USP47: variants seen among roughly 807,000 people sequenced by gnomAD.
USP47 encodes the protein ubiquitin specific peptidase 47.
USP47 carries 35 observed loss-of-function variants against 165.1 expected under a neutral mutation model. That is an observed-to-expected ratio of 0.21 (90% CI 0.16 to 0.28). The LOEUF (loss-of-function observed/expected upper bound fraction) is 0.28, where lower values mean the gene tolerates loss of function less well. Among genes scored for constraint, USP47 ranks in the 10% least tolerant of loss-of-function variants. The pLI, the probability that USP47 is intolerant of heterozygous loss-of-function variation, is 1.00. For synonymous variants in USP47, 531 were observed against 544.5 expected (o/e 0.98, Z 0.35); for missense variants, 1,277 against 1,607.4 (o/e 0.79, Z 3.52).
intron 8 of USP47, 80 bp from the exon 9 acceptor site, chr11:11,920,076 A>T: frequency 9.4e-7 from 1 of 1,059,252 alleles, no homozygotes; most frequent in Non-Finnish European, 1.3e-6. Flanking sequence ...AACTTTTAGT[A>T]ATTACAGTCT....
At chr11:11,848,318 G>A (rs1848537668) in intron 1 of USP47, among the ~76,000 whole-genome samples, 2 of 152,318 alleles carry the variant, frequency 1.3e-5, no homozygotes, top group South Asian at 4.1e-4. Flanking sequence ...GGCATTGCCT[G>A]TTGCTCCTAG....
intron 10 of USP47, 152 bp from the exon 11 acceptor site, chr11:11,922,572 A>G (rs1853910982): frequency 1.1e-5 from 6 of 569,026 alleles, no homozygotes; most frequent in Non-Finnish European, 1.6e-5. Context: ...TAAGGTCTCA[A>G]TTTTTAAGAG....
intron 3 of USP47, among the ~76,000 whole-genome samples, chr11:11,888,888 T>G (rs1478780575): frequency 4.6e-5 from 7 of 152,214 alleles, no homozygotes; most frequent in Non-Finnish European, 7.3e-5. Context: ...GATGCAAGGT[T>G]TGTTCAACAT....
chr11:11,871,489 G>A lies in USP47; in HGVS notation c.40-8688G>A, dbSNP rs375150365. Among the ~76,000 whole-genome samples, 9 of 98,582 alleles carry A rather than the reference G, an allele frequency of 9.1e-5. No homozygotes were observed. The South Asian group carries it at 2.3e-3, about 25-fold the overall frequency. 64.7% of individuals were successfully genotyped at this position (98,582 alleles called of 152,430 possible). A position where few individuals can be genotyped will look rare whatever the true frequency, so the allele number is the denominator to read the frequency against. ...CTGCACTCCAGCCTGGCAACAGAGC[G>A]AAACTCCCTCTCAAAAAAAAAAAAA... On this transcript the variant is annotated intron_variant, in intron 1 of 27. Transcript: ENST00000527733.
At chr11:11,877,102 T>C (rs1346906300) in intron 1 of USP47, among the ~76,000 whole-genome samples, 2 of 152,100 alleles carry the variant, frequency 1.3e-5, no homozygotes, top group African/African-American at 4.8e-5. Flanking sequence ...GTTTCCTGCA[T>C]GTTTAATTTA....
chr11:11,905,207 T>C (rs1852480747), intron 7 of USP47, among the ~76,000 whole-genome samples, 192 bp from the exon 8 acceptor site: 1 of 150,738 alleles, frequency 6.6e-6, no homozygotes, highest in Admixed American at 6.6e-5. Flanking sequence ...TGATTTTTTC[T>C]ATAAAATTTT....
At chr11:11,902,997 C>G in intron 6 of USP47, 137 bp downstream of exon 6, 1 of 970,402 alleles carries the variant, frequency 1.0e-6, no homozygotes, top group Non-Finnish European at 1.5e-6. Flanking sequence ...TATTTTCTAA[C>G]ACATTTCATA....
At chr11:11,951,058 G>A (rs1227696820) in intron 24 of USP47, 1 of 152,272 alleles carries the variant, frequency 6.6e-6, no homozygotes, top group Non-Finnish European at 1.5e-5. Flanking sequence ...CTGTCAACAG[G>A]GTTGGTTCCT....
intron 1 of USP47, among the ~76,000 whole-genome samples, chr11:11,876,061 A>G (rs1438638948): frequency 6.6e-6 from 1 of 152,230 alleles, no homozygotes; most frequent in Non-Finnish European, 1.5e-5. Context: ...TAATATTGCT[A>G]TGAGTTGCCT....
intron 8 of USP47, among the ~76,000 whole-genome samples, chr11:11,917,157 A>G (rs1853482563): frequency 6.6e-6 from 1 of 152,176 alleles, no homozygotes; most frequent in Admixed American, 6.5e-5. Flanking sequence ...CTGAAAAAAA[A>G]GATGAATTGG....
Position 11,880,233 on chromosome 11 carries a change from T to A in USP47, c.96T>A (p.Asn32Lys). ...TATGTATTATACAAGATACTACTAA[T>A]TCAAAGACAGTGAATGAACGGATCA... ...RVLCIIQDTT[N>K]SKTVNERITL... The change falls in exon 2 of 28, where the codon AAT becomes AAA. Residue 32 changes from asparagine (N) to lysine (K), a missense_variant. Coordinates refer to ENST00000527733, the MANE Select transcript of USP47 (RefSeq NM_001282659.2). 6.8e-7 allele frequency: 1 copy of A among 1,466,602 alleles called. No individual in the cohort carries two copies. Among genetic ancestry groups the A allele is most frequent in the Non-Finnish European group, 8.9e-7 (1 of 1,120,840 alleles). The allele number at this position is 1,466,602 out of a possible 1,614,324, so 90.8% of individuals were successfully genotyped here. A position where few individuals can be genotyped will look rare whatever the true frequency, so the allele number is the denominator to read the frequency against.
intron 1 of USP47, among the ~76,000 whole-genome samples, chr11:11,850,938 A>G (rs1848691734): frequency 6.6e-6 from 1 of 152,208 alleles, no homozygotes. Context: ...CCTCTTTTAC[A>G]AGGGCACTAA....
In USP47 at chr11:11,842,151, C is replaced by A. The variant is rs1222367563; in HGVS notation, c.-35C>A. On this transcript the variant is annotated 5_prime_UTR_variant, in exon 1 of 28. Transcript: ENST00000527733. ...GAGCCGCCGCCACCCTCCACCCTCC[C>A]CCGGCAGGGCGGAGAGGAGCGGCCG... The A allele has an allele frequency of 1.3e-6, 2 of 1,550,840 alleles. No individual in the cohort carries two copies. The highest frequency in any genetic ancestry group is 1.7e-6 in the Non-Finnish European group (2 of 1,146,492).
chr11:11,930,092 A>C lies in USP47; in HGVS notation c.1567A>C (p.Arg523=). The change falls in exon 13 of 28, where the codon AGA becomes CGA. Residue 523 remains arginine (R), a synonymous_variant. Transcript: ENST00000527733. ...AACACATGGTGGATCTTCAGGAAGC[A>C]GAGGATATTATTCTAGTGCTTTCGC... ...KKTHGGSSGS[R]GYYSSAFASS... is the part of the protein sequence containing the mutation. The C allele has an allele frequency of 6.2e-7, 1 of 1,613,352 alleles. No individual in the cohort carries two copies. Among genetic ancestry groups the C allele is most frequent in the Non-Finnish European group, 8.5e-7 (1 of 1,179,392 alleles).
chr11:11,872,199 C>T (rs2134251743), intron 1 of USP47, among the ~76,000 whole-genome samples: 2 of 152,262 alleles, frequency 1.3e-5, no homozygotes, highest in Middle Eastern at 6.8e-3. Flanking sequence ...TGCTGGTTGT[C>T]TGCTGAGATC....
chr11:11,930,208 G>A, intron 13 of USP47, 88 bp downstream of exon 13: 1 of 1,266,484 alleles, frequency 7.9e-7, no homozygotes. Context: ...TTTAACCAAG[G>A]GATTGAGGAA....
intron 15 of USP47, 106 bp downstream of exon 15, chr11:11,933,222 A>G (rs1403292187): frequency 2.9e-5 from 26 of 902,950 alleles, no homozygotes; most frequent in Middle Eastern, 2.2e-4. Context: ...CAATTATGCT[A>G]TCATGATCAT....
rs369043403 is a variant in USP47 at position 11,949,983 on chromosome 11, G to A, written c.3443G>A (p.Gly1148Asp). Residue 1148 changes from glycine to aspartate, a missense_variant, in exon 23 of 28, where the codon GGT (glycine) becomes GAT (aspartate). Gly to Asp is a moderately conservative substitution (Grantham distance 94, BLOSUM62 -1). Around this residue, in one of 4 missense-constraint regions of USP47, gnomAD observed 909 missense variants for 1,068.1 expected, o/e 0.85. Transcript: ENST00000527733. ...ATTCCTCAGCTCAGGGAGCAATGTG[G>A]TTTAGAGCTCAGTATTGACAGGTAA... ...ELIPQLREQC[G>D]LELSIDRFRL... 10 of 1,611,780 alleles carry A rather than the reference G, an allele frequency of 6.2e-6. No homozygotes were observed. The highest frequency in any genetic ancestry group is 7.6e-6 in the Non-Finnish European group (9 of 1,178,706).
chr11:11,856,386 C>G (rs1849039896), intron 1 of USP47: 2 of 151,992 alleles, frequency 1.3e-5, no homozygotes, highest in South Asian at 2.1e-4. Context: ...ATACCTTATT[C>G]TCTCATCCAT....
Sources: allele counts gnomAD v4.1 joint callset (sites outside exome capture counted in the v4.1 genomes callset), GRCh38; gene constraint gnomAD v4.1.1; regional missense constraint gnomAD v4.1.1; transcripts MANE v1.5; gene names NCBI Gene and HGNC (gene_info 2026-07-23, HGNC 2026-07-21).